Variants in MGRN1 observed in about 807,000 individuals in gnomAD.
MGRN1 encodes mahogunin ring finger 1, also known as E3 ubiquitin-protein ligase MGRN1.
MGRN1 carries 29 observed loss-of-function variants against 69.2 expected under a neutral mutation model. The ratio of observed to expected loss-of-function variants is 0.42; its 90% CI spans 0.31 to 0.57. The LOEUF is 0.57. Among genes scored for constraint, MGRN1 ranks in the 20% least tolerant of loss-of-function variants. MGRN1 has a pLI of 0.15. For synonymous variants in MGRN1, 470 were observed against 344.2 expected (o/e 1.37, Z -4.04); for missense variants, 998 against 796.2 (o/e 1.25, Z -3.05).
rs1282190794 is a variant in MGRN1 at position 4,688,415 on chromosome 16, C to G, written c.1619-381C>G. On this transcript the variant is annotated intron_variant, in intron 16 of 16. Transcript: ENST00000262370. ...CCCTGCACCCTGGGTTGACCGAGTTCCACCCTAACCCAGCCGTAAGAACCT... is the reference window on the plus strand; with the variant it reads ...CCCTGCACCCTGGGTTGACCGAGTTGCACCCTAACCCAGCCGTAAGAACCT... 5.8e-6 allele frequency: 6 copies of G among 1,033,344 alleles called. No homozygotes were observed. The South Asian group carries it at 2.2e-4, about 38-fold the overall frequency. The allele number at this position is 1,033,344 out of a possible 1,614,324, so 64.0% of individuals were successfully genotyped here.
chr16:4,668,555 ACT>A (rs1280874625), intron 8 of MGRN1, among the ~76,000 whole-genome samples: 4 of 150,534 alleles, frequency 2.7e-5, no homozygotes, highest in African/African-American at 9.8e-5. Flanking sequence ...ACATAAACAC[ACT>A]CCTACTCGCA....
At chr16:4,666,755 A>G (rs2078815069) in intron 7 of MGRN1, among the ~76,000 whole-genome samples, 1 of 151,728 alleles carries the variant, frequency 6.6e-6, no homozygotes, top group South Asian at 2.1e-4. Context: ...TGCTTCCTAC[A>G]GGAGCCTTTT....
intron 5 of MGRN1, 174 bp from the exon 6 acceptor site, chr16:4,664,535 T>TA: frequency 4.7e-6 from 3 of 643,474 alleles, no homozygotes; most frequent in Non-Finnish European, 8.4e-6. Context: ...AACACACACA[T>TA]AAAAAAGGTG....
rs76985240 is a variant in MGRN1 at position 4,654,957 on chromosome 16, G to C, written c.443+2133G>C. On this transcript the variant is annotated intron_variant, in intron 4 of 16. Transcript: ENST00000262370. ...GAGGCTCTACCTTGCCCCGGCACTT[G>C]ATTATATTTCTTTAATGACACTAGT... 3.7e-4 allele frequency among the ~76,000 whole-genome samples: 57 copies of C among 152,332 alleles called. 1 individual carries two copies. Among genetic ancestry groups the C allele is most frequent in the African/African-American group, 1.1e-3 (46 of 41,570 alleles).
intron 2 of MGRN1, among the ~76,000 whole-genome samples, chr16:4,651,573 T>A (rs1410238437): frequency 6.7e-6 from 1 of 150,204 alleles, no homozygotes; most frequent in Non-Finnish European, 1.5e-5. Context: ...TTGGGGGCCC[T>A]GGGGCGGGTT....
chr16:4,657,015 G>C (rs1053750461), intron 4 of MGRN1, among the ~76,000 whole-genome samples: 1 of 152,244 alleles, frequency 6.6e-6, no homozygotes, highest in Non-Finnish European at 1.5e-5. Flanking sequence ...GGCTCTGGGA[G>C]AATTGTAGCC....
chr16:4,677,367 A>G (rs1330979432), intron 10 of MGRN1, 96 bp from the exon 11 acceptor site: 6 of 911,346 alleles, frequency 6.6e-6, no homozygotes, highest in Admixed American at 3.2e-5. Context: ...CAGGACCCCT[A>G]TGGTGTGGGG....
intron 1 of MGRN1, among the ~76,000 whole-genome samples, chr16:4,632,641 G>A (rs1190522679): frequency 4.6e-5 from 7 of 152,000 alleles, no homozygotes; most frequent in African/African-American, 7.3e-5. Flanking sequence ...TGATCCGCCC[G>A]TCTCGGCCTC....
chr16:4,672,480 C>T (rs757115189), intron 9 of MGRN1: 26 of 456,594 alleles, frequency 5.7e-5, no homozygotes, highest in South Asian at 3.6e-4. Context: ...GTGGCGGGAG[C>T]GGAGCACCTG....
At chr16:4,632,356 G>A (rs961499434) in intron 1 of MGRN1, among the ~76,000 whole-genome samples, 4 of 151,750 alleles carry the variant, frequency 2.6e-5, no homozygotes, top group African/African-American at 9.7e-5. Flanking sequence ...CACAGCATAC[G>A]AGTCACACTG....
intron 10 of MGRN1, among the ~76,000 whole-genome samples, chr16:4,674,821 T>C (rs1378266963): frequency 6.8e-6 from 1 of 148,008 alleles, no homozygotes; most frequent in African/African-American, 2.5e-5. Context: ...TTTGTATTTT[T>C]AGTAGAGACG....
At chr16:4,655,513 A>C (rs2078516266) in intron 4 of MGRN1, among the ~76,000 whole-genome samples, 1 of 146,760 alleles carries the variant, frequency 6.8e-6, no homozygotes, top group African/African-American at 2.6e-5. Flanking sequence ...AGGACCTGGT[A>C]CGAGGCCTGC....
At chr16:4,667,035 A>T (rs536086388) in intron 7 of MGRN1, among the ~76,000 whole-genome samples, 1 of 152,260 alleles carries the variant, frequency 6.6e-6, no homozygotes, top group East Asian at 1.9e-4. Flanking sequence ...GACGTTCATC[A>T]GCACCCTGCC....
intron 1 of MGRN1, among the ~76,000 whole-genome samples, chr16:4,638,908 G>A (rs536323790): frequency 1.3e-5 from 2 of 152,236 alleles, no homozygotes; most frequent in South Asian, 2.1e-4. Flanking sequence ...TCCCTGGGCC[G>A]CTGTGTTTCT....
At chr16:4,683,578 T>C (rs1596318872) in intron 15 of MGRN1, among the ~76,000 whole-genome samples, 1 of 148,978 alleles carries the variant, frequency 6.7e-6, no homozygotes, top group South Asian at 2.1e-4. Context: ...AGCCCTATGC[T>C]CTGAACATCC....
At chr16:4,677,723 G>C in intron 11 of MGRN1, 151 bp downstream of exon 11, 4 of 746,430 alleles carry the variant, frequency 5.4e-6, no homozygotes, top group Non-Finnish European at 6.4e-6. Context: ...GAGGCATGAA[G>C]GGGGTGGCCA....
intron 10 of MGRN1, 108 bp downstream of exon 10, chr16:4,673,765 G>C (rs1294597147): frequency 1.5e-6 from 2 of 1,369,398 alleles, no homozygotes; most frequent in East Asian, 4.9e-5. Context: ...GGCTAAGAAA[G>C]AAGAGTTGTC....
At position 4,624,843 on chromosome 16, in the gene MGRN1, C is replaced by T. The variant is rs1031625462; in HGVS notation, c.-118C>T. 2.8e-5 allele frequency: 23 copies of T among 821,936 alleles called. No homozygotes were observed. The Admixed American group carries it at 5.4e-4, about 19-fold the overall frequency. The allele number at this position is 821,936 out of a possible 1,614,324, so 50.9% of individuals were successfully genotyped here. On this transcript the variant is annotated 5_prime_UTR_variant, in exon 1 of 17. Coordinates refer to ENST00000262370, the MANE Select transcript of MGRN1 (RefSeq NM_015246.4). ...CCGGGGGTGGGGGCTCGAGGCGCCT[C>T]CGCGGCCGTGGACGAGCGTCCGTGC... is the stretch of plus-strand genomic sequence containing the variant.
chr16:4,643,972 TTG>T (rs200249541), intron 1 of MGRN1, among the ~76,000 whole-genome samples: 50 of 146,686 alleles, frequency 3.4e-4, no homozygotes, highest in African/African-American at 1.4e-3. Context: ...CTAGTTTTTT[TTG>T]TTTGTTTGTT....
Sources: gnomAD v4.1 joint callset for allele counts (sites outside exome capture counted in the v4.1 genomes callset) on GRCh38, gnomAD v4.1.1 for gene constraint, MANE v1.5 for transcripts, NCBI Gene and HGNC (gene_info 2026-07-23, HGNC 2026-07-21) for gene names.